GLRB: variants seen among roughly 807,000 people sequenced by gnomAD.
GLRB encodes the protein glycine receptor subunit beta.
In GLRB, 33 loss-of-function variants were observed where a neutral mutation model predicts 54.2. The ratio of observed to expected loss-of-function variants is 0.61; its 90% CI spans 0.46 to 0.81. The LOEUF (loss-of-function observed/expected upper bound fraction) is 0.81, where lower values mean the gene tolerates loss of function less well. Among genes scored for constraint, GLRB ranks in the 40% least tolerant of loss-of-function variants. The pLI is 0.00. For missense variants in GLRB, 572 were observed against 584.6 expected (o/e 0.98, Z 0.22); for synonymous variants, 209 against 208.2 (o/e 1.00, Z -0.03).
At chr4:157,113,433 AGT>A (rs1280346379) in intron 2 of GLRB, among the ~76,000 whole-genome samples, 1 of 151,940 alleles carries the variant, frequency 6.6e-6, no homozygotes, top group East Asian at 1.9e-4. Flanking sequence ...AATGTTTTAC[AGT>A]TGAGCAATAT....
intron 4 of GLRB, among the ~76,000 whole-genome samples, chr4:157,129,852 T>C (rs564190633): frequency 2.6e-5 from 4 of 151,740 alleles, no homozygotes; most frequent in African/African-American, 9.6e-5. Context: ...TGTTGAGATT[T>C]GAGATCTAGA....
chr4:157,127,151 A>G (rs989203992), intron 4 of GLRB, among the ~76,000 whole-genome samples: 5 of 151,636 alleles, frequency 3.3e-5, no homozygotes, highest in Middle Eastern at 3.2e-3. Flanking sequence ...TTTATTTTAT[A>G]TATTTTTATA....
intron 4 of GLRB, among the ~76,000 whole-genome samples, chr4:157,129,442 T>G (rs190523905): frequency 6.6e-6 from 1 of 151,894 alleles, no homozygotes; most frequent in African/African-American, 2.4e-5. Flanking sequence ...CCAAAACATG[T>G]AACTAATGAG....
chr4:157,139,581 A>G (rs572267862), intron 7 of GLRB, among the ~76,000 whole-genome samples: 1 of 152,174 alleles, frequency 6.6e-6, no homozygotes, highest in African/African-American at 2.4e-5. Context: ...TCATAATATG[A>G]TTAGTGTTCA....
At chr4:157,127,380 T>C (rs1736052239) in intron 4 of GLRB, among the ~76,000 whole-genome samples, 1 of 151,820 alleles carries the variant, frequency 6.6e-6, no homozygotes. Context: ...ATTTTTCTCA[T>C]GTTATTCATC....
chr4:157,111,010 G>A (rs765492470), intron 2 of GLRB, among the ~76,000 whole-genome samples: 5 of 151,878 alleles, frequency 3.3e-5, no homozygotes, highest in African/African-American at 1.2e-4. Context: ...TGTTTTTTAC[G>A]TGCTCACTCT....
At chr4:157,164,855 T>C (rs1431027631) in intron 9 of GLRB, among the ~76,000 whole-genome samples, 4 of 152,112 alleles carry the variant, frequency 2.6e-5, no homozygotes, top group Non-Finnish European at 5.9e-5. Flanking sequence ...TTTAAGTTTA[T>C]CTTTAAAGCA....
intron 4 of GLRB, among the ~76,000 whole-genome samples, chr4:157,124,907 T>C (rs1235823316): frequency 1.3e-5 from 2 of 151,930 alleles, no homozygotes; most frequent in East Asian, 3.9e-4. Context: ...ATTTATTTTA[T>C]ATACCTTTAT....
At chr4:157,080,904 C>T (rs1391615336) in intron 2 of GLRB, among the ~76,000 whole-genome samples, 1 of 151,910 alleles carries the variant, frequency 6.6e-6, no homozygotes, top group East Asian at 1.9e-4. Flanking sequence ...AACAACATTT[C>T]CCCTCAAGAC....
At chr4:157,107,403 A>G (rs1439333712) in intron 2 of GLRB, among the ~76,000 whole-genome samples, 1 of 152,164 alleles carries the variant, frequency 6.6e-6, no homozygotes, top group Non-Finnish European at 1.5e-5. Context: ...ATGCTAAGAA[A>G]AAGTTCTAGA....
intron 8 of GLRB, among the ~76,000 whole-genome samples, chr4:157,148,239 A>G (rs113693146): frequency 0.022 from 3,291 of 152,144 alleles, 76 homozygotes; most frequent in African/African-American, 0.051. Flanking sequence ...TTCATTCCTG[A>G]TATTATTAAA....
intron 4 of GLRB, among the ~76,000 whole-genome samples, chr4:157,130,878 T>C (rs1736189904): frequency 6.6e-6 from 1 of 151,728 alleles, no homozygotes; most frequent in Admixed American, 6.6e-5. Flanking sequence ...AATGATTTAT[T>C]TGATGCACTA....
At chr4:157,089,676 A>G (rs570193837) in intron 2 of GLRB, among the ~76,000 whole-genome samples, 1 of 152,120 alleles carries the variant, frequency 6.6e-6, no homozygotes, top group South Asian at 2.1e-4. Flanking sequence ...ATTCATCCTT[A>G]GTTCTTTTAG....
Position 157,170,988 on chromosome 4 carries a change from T to G in GLRB, c.*260T>G, listed in dbSNP as rs900606474. ...AGGACAAGCATACTACATAATATAA[T>G]CCATACAATTCTCTTCAGTTAGTGT... On this transcript the variant is annotated 3_prime_UTR_variant, in exon 10 of 10. Transcript: ENST00000264428. 56 of 274,684 alleles carry G rather than the reference T, an allele frequency of 2.0e-4. No homozygotes were observed. The highest frequency in any genetic ancestry group is 1.1e-3 in the African/African-American group (50 of 45,650). The allele number at this position is 274,684 out of a possible 1,614,324, so 17.0% of individuals were successfully genotyped here. A position where few individuals can be genotyped will look rare whatever the true frequency, so the allele number is the denominator to read the frequency against.
intron 8 of GLRB, among the ~76,000 whole-genome samples, chr4:157,145,379 G>A (rs1736769535): frequency 6.6e-6 from 1 of 152,146 alleles, no homozygotes; most frequent in South Asian, 2.1e-4. Flanking sequence ...CTGCTGAAAT[G>A]TCAATAGGGA....
intron 7 of GLRB, among the ~76,000 whole-genome samples, chr4:157,140,729 T>A (rs1195455074): frequency 1.3e-5 from 2 of 151,868 alleles, no homozygotes; most frequent in East Asian, 3.9e-4. Flanking sequence ...ACCTGTGGAG[T>A]CCTATTATAG....
intron 9 of GLRB, among the ~76,000 whole-genome samples, chr4:157,166,796 C>G (rs1737727124): frequency 1.3e-5 from 2 of 151,968 alleles, no homozygotes; most frequent in Admixed American, 1.3e-4. Context: ...TATTCTCTTA[C>G]TGACATGTTT....
At chr4:157,121,119 T>C (rs558892329) in intron 3 of GLRB, among the ~76,000 whole-genome samples, 2 of 151,784 alleles carry the variant, frequency 1.3e-5, no homozygotes, top group South Asian at 4.1e-4. Context: ...TATTTCACAT[T>C]AATAGAAAAT....
chr4:157,136,987 C>T (rs1736428448), intron 6 of GLRB, 101 bp downstream of exon 6: 3 of 733,990 alleles, frequency 4.1e-6, no homozygotes, highest in Middle Eastern at 4.7e-4. Flanking sequence ...AAAACTAGTG[C>T]TTTGATTATA....
Sources: allele counts gnomAD v4.1 joint callset (sites outside exome capture counted in the v4.1 genomes callset), GRCh38; gene constraint gnomAD v4.1.1; transcripts MANE v1.5; gene names NCBI Gene and HGNC (gene_info 2026-07-23, HGNC 2026-07-21).